The following RIC1 variants were observed in gnomAD, a reference collection of about 807,000 sequenced individuals.
RIC1 encodes the protein RIC1 partner of RAB6A GEF complex.
RIC1 carries 88 observed loss-of-function variants against 169.0 expected under a neutral mutation model. The observed-to-expected ratio is 0.52, with a 90% CI of 0.44 to 0.62. The LOEUF is 0.62. Among genes scored for constraint, RIC1 ranks in the 20% least tolerant of loss-of-function variants. The pLI is 0.00. For synonymous variants in RIC1, 790 were observed against 601.5 expected, an observed-to-expected ratio of 1.31 and a Z score of -4.59; for missense variants, 1,877 against 1,725.5, an observed-to-expected ratio of 1.09 and a Z score of -1.56.
chr9:5,733,517 G>A (rs567095975), intron 7 of RIC1, among the ~76,000 whole-genome samples: 1 of 151,996 alleles, frequency 6.6e-6, no homozygotes, highest in East Asian at 1.9e-4. Flanking sequence ...ATCCGCCTTG[G>A]CCTCCCACAG....
chr9:5,694,391 G>C (rs1011892924), intron 3 of RIC1, among the ~76,000 whole-genome samples: 1 of 152,058 alleles, frequency 6.6e-6, no homozygotes, highest in Non-Finnish European at 1.5e-5. Context: ...AATAAACCTT[G>C]TTCTACATTC....
At chr9:5,630,644 G>A (rs1390714460) in intron 1 of RIC1, among the ~76,000 whole-genome samples, 6 of 152,166 alleles carry the variant, frequency 3.9e-5, no homozygotes, top group Admixed American at 3.9e-4. Context: ...AGTTTTGGCT[G>A]ATCTAATTTT....
At chr9:5,630,468 G>C (rs1019147234) in intron 1 of RIC1, among the ~76,000 whole-genome samples, 1 of 152,162 alleles carries the variant, frequency 6.6e-6, no homozygotes, top group African/African-American at 2.4e-5. Context: ...GTTTTAGTTT[G>C]TTAAAATCCC....
intron 6 of RIC1, among the ~76,000 whole-genome samples, chr9:5,725,170 G>A (rs2130889056): frequency 6.6e-6 from 1 of 152,274 alleles, no homozygotes; most frequent in Admixed American, 6.5e-5. Flanking sequence ...GAATTTGGCT[G>A]TGAATCTGTC....
At chr9:5,687,932 G>A (rs997536816) in intron 2 of RIC1, among the ~76,000 whole-genome samples, 2 of 151,972 alleles carry the variant, frequency 1.3e-5, no homozygotes, top group Admixed American at 1.3e-4. Flanking sequence ...GTGTGTGTGT[G>A]TGTTTCATTA....
intron 2 of RIC1, among the ~76,000 whole-genome samples, chr9:5,671,199 A>G (rs1202800242): frequency 2.0e-5 from 3 of 152,026 alleles, no homozygotes; most frequent in Non-Finnish European, 4.4e-5. Flanking sequence ...CAAAAATATC[A>G]GTGACCTTTC....
At chr9:5,725,189 G>A (rs1823886244) in intron 6 of RIC1, among the ~76,000 whole-genome samples, 1 of 152,102 alleles carries the variant, frequency 6.6e-6, no homozygotes, top group Admixed American at 6.5e-5. Flanking sequence ...TCTCGTCCTG[G>A]ACTTTTTTTG....
intron 2 of RIC1, among the ~76,000 whole-genome samples, chr9:5,667,505 T>A (rs1341349283): frequency 2.3e-5 from 3 of 128,700 alleles, no homozygotes; most frequent in African/African-American, 9.7e-5. Context: ...CACCGCCACC[T>A]TTTTTTTTTT....
At chr9:5,654,667 G>A (rs1048421756) in intron 1 of RIC1, among the ~76,000 whole-genome samples, 35 of 152,122 alleles carry the variant, frequency 2.3e-4, no homozygotes, top group African/African-American at 8.0e-4. Context: ...AGCCTCCTGA[G>A]TAGCTGGGAT....
intron 3 of RIC1, among the ~76,000 whole-genome samples, chr9:5,697,004 G>A (rs927593282): frequency 3.3e-5 from 5 of 152,172 alleles, no homozygotes; most frequent in Non-Finnish European, 7.4e-5. Context: ...TGGCTAGTCA[G>A]AACCGAAATG....
chr9:5,691,075 G>A (rs1821568125), intron 3 of RIC1, among the ~76,000 whole-genome samples: 1 of 151,962 alleles, frequency 6.6e-6, no homozygotes, highest in African/African-American at 2.4e-5. Flanking sequence ...ACACAAAGGT[G>A]TGATAATAGG....
intron 2 of RIC1, among the ~76,000 whole-genome samples, chr9:5,687,724 A>C (rs991699830): frequency 6.6e-6 from 1 of 152,196 alleles, no homozygotes; most frequent in Non-Finnish European, 1.5e-5. Context: ...CCCAGCATAC[A>C]CTGCTATTAT....
At chr9:5,755,981 T>C (rs1027520725) in intron 15 of RIC1, among the ~76,000 whole-genome samples, 10 of 151,988 alleles carry the variant, frequency 6.6e-5, no homozygotes, top group African/African-American at 2.4e-4. Flanking sequence ...TATTTTATAA[T>C]AGTACATTCA....
At chr9:5,771,614 C>G (rs995381035) in intron 23 of RIC1, among the ~76,000 whole-genome samples, 18 of 152,114 alleles carry the variant, frequency 1.2e-4, no homozygotes, top group Admixed American at 5.2e-4. Context: ...CCCATAGCAA[C>G]TGCACCATTT....
chr9:5,765,040 G>A (rs2131107341), intron 19 of RIC1: 1 of 164,600 alleles, frequency 6.1e-6, no homozygotes, highest in South Asian at 1.8e-4. Flanking sequence ...GACCTATTTT[G>A]GAGTCAGGCA....
intron 2 of RIC1, among the ~76,000 whole-genome samples, chr9:5,680,748 T>C (rs1563893779): frequency 6.6e-6 from 1 of 152,024 alleles, no homozygotes; most frequent in Non-Finnish European, 1.5e-5. Flanking sequence ...TTTTCTTCTT[T>C]ATTAGTCTTG....
At chr9:5,714,323 G>A (rs1823107721) in intron 4 of RIC1, among the ~76,000 whole-genome samples, 1 of 152,146 alleles carries the variant, frequency 6.6e-6, no homozygotes, top group Non-Finnish European at 1.5e-5. Flanking sequence ...ACAAGTTGAG[G>A]AAAAGAGAAA....
intron 2 of RIC1, among the ~76,000 whole-genome samples, chr9:5,658,798 G>C (rs1359401758): frequency 6.6e-6 from 1 of 150,912 alleles, no homozygotes; most frequent in Non-Finnish European, 1.5e-5. Context: ...CTTGGGTAGT[G>C]ATAAAAGTTT....
At chr9:5,670,789 T>C (rs1441588813) in intron 2 of RIC1, among the ~76,000 whole-genome samples, 1 of 152,202 alleles carries the variant, frequency 6.6e-6, no homozygotes, top group Non-Finnish European at 1.5e-5. Context: ...AGAAGCGCCA[T>C]AGTTTTATTA....
Sources: allele counts gnomAD v4.1 joint callset (sites outside exome capture counted in the v4.1 genomes callset), GRCh38; gene constraint gnomAD v4.1.1; transcripts MANE v1.5; gene names NCBI Gene and HGNC (gene_info 2026-07-23, HGNC 2026-07-21).